Variants in RAD51B observed in about 807,000 individuals in gnomAD.
The protein encoded by RAD51B is DNA repair protein RAD51 homolog 2.
Under a neutral mutation model 42.2 loss-of-function variants are expected in RAD51B, and 38 were observed. That is an observed-to-expected ratio of 0.90 (90% CI 0.70 to 1.18). The LOEUF is 1.18. Ranked by LOEUF, RAD51B falls within the 50% of genes most tolerant of loss-of-function variation. The pLI is 0.00. For missense variants in RAD51B, 373 were observed against 400.7 expected (o/e 0.93, Z 0.59); for synonymous variants, 154 against 145.2 (o/e 1.06, Z -0.43).
chr14:68,337,199 A>G (rs138309213), intron 8 of RAD51B, among the ~76,000 whole-genome samples: 1 of 152,232 alleles, frequency 6.6e-6, no homozygotes, highest in East Asian at 1.9e-4. Flanking sequence ...GCACACACCC[A>G]CATCTTATTT....
intron 7 of RAD51B, among the ~76,000 whole-genome samples, chr14:67,934,052 G>A (rs371382741): frequency 1.3e-5 from 2 of 152,154 alleles, no homozygotes; most frequent in Admixed American, 1.3e-4. Context: ...AAAGGAAATG[G>A]GTTCATTGTA....
intron 7 of RAD51B, among the ~76,000 whole-genome samples, chr14:67,991,545 T>C (rs2075296784): frequency 6.6e-6 from 1 of 152,230 alleles, no homozygotes; most frequent in Non-Finnish European, 1.5e-5. Flanking sequence ...GTTATGCAGC[T>C]GGCTGAACAG....
intron 10 of RAD51B, among the ~76,000 whole-genome samples, chr14:68,500,130 G>A (rs898544356): frequency 6.6e-6 from 1 of 152,124 alleles, no homozygotes; most frequent in Admixed American, 6.5e-5. Flanking sequence ...AGAGATCGGA[G>A]CTCATGGTTC....
At chr14:68,396,259 T>C (rs1329541255) in intron 8 of RAD51B, among the ~76,000 whole-genome samples, 1 of 152,220 alleles carries the variant, frequency 6.6e-6, no homozygotes, top group African/African-American at 2.4e-5. Flanking sequence ...GCACTTGGAA[T>C]AGTTTCTGGA....
chr14:68,352,035 T>A (rs1594709248), intron 8 of RAD51B, among the ~76,000 whole-genome samples: 4 of 152,240 alleles, frequency 2.6e-5, no homozygotes, highest in Admixed American at 2.6e-4. Flanking sequence ...AACACTGAGT[T>A]TGATGCACCT....
intron 7 of RAD51B, among the ~76,000 whole-genome samples, chr14:68,171,764 T>C (rs147032487): frequency 0.03 from 4,617 of 151,808 alleles, 89 homozygotes; most frequent in Non-Finnish European, 0.047. Flanking sequence ...TGGAGTGCAA[T>C]GGGGCGATCT....
At chr14:67,880,438 G>A (rs2042868866) in intron 5 of RAD51B, among the ~76,000 whole-genome samples, 1 of 152,162 alleles carries the variant, frequency 6.6e-6, no homozygotes, top group Admixed American at 6.5e-5. Flanking sequence ...TGAGACAATG[G>A]TTGTACTTCA....
At chr14:67,850,151 A>G (rs942766010) in intron 4 of RAD51B, among the ~76,000 whole-genome samples, 2 of 152,104 alleles carry the variant, frequency 1.3e-5, no homozygotes, top group African/African-American at 4.8e-5. Flanking sequence ...GTGTGCCATC[A>G]TGCCTGGCTA....
At chr14:68,229,352 A>C (rs1439666999) in intron 7 of RAD51B, among the ~76,000 whole-genome samples, 1 of 152,226 alleles carries the variant, frequency 6.6e-6, no homozygotes, top group Non-Finnish European at 1.5e-5. Flanking sequence ...CTTGGCAATT[A>C]GATTTTCTTA....
chr14:68,593,994 G>A (rs1890872279), intron 10 of RAD51B, among the ~76,000 whole-genome samples: 1 of 152,200 alleles, frequency 6.6e-6, no homozygotes, highest in Admixed American at 6.5e-5. Context: ...ATGGCTCACT[G>A]GGGCACTTTG....
At chr14:67,929,683 C>G (rs557653182) in intron 7 of RAD51B, among the ~76,000 whole-genome samples, 38 of 152,070 alleles carry the variant, frequency 2.5e-4, no homozygotes, top group African/African-American at 8.4e-4. Context: ...GTTGAAGTAC[C>G]CCACTATTAT....
intron 10 of RAD51B, among the ~76,000 whole-genome samples, chr14:68,470,994 A>G (rs1207440305): frequency 6.6e-6 from 1 of 152,184 alleles, no homozygotes; most frequent in Non-Finnish European, 1.5e-5. Flanking sequence ...ATGATTCCCC[A>G]GGTTTAAAGC....
chr14:68,430,041 A>C (rs755921304), intron 9 of RAD51B, among the ~76,000 whole-genome samples: 4 of 152,142 alleles, frequency 2.6e-5, no homozygotes, highest in Non-Finnish European at 5.9e-5. Flanking sequence ...CAGGTTTGTC[A>C]AAGATCAGAT....
In RAD51B at chr14:68,314,352, A is replaced by C. The variant is rs117965061; in HGVS notation, c.853+22372A>C. Among the ~76,000 whole-genome samples, 1,041 of 152,218 alleles carry C rather than the reference A, an allele frequency of 6.8e-3. 9 individuals are homozygous for C. The highest frequency in any genetic ancestry group is 8.6e-3 in the Non-Finnish European group (586 of 68,000). On this transcript the variant is annotated intron_variant, in intron 8 of 10. Coordinates refer to ENST00000471583, the MANE Select transcript of RAD51B (RefSeq NM_133510.4). ...AATGTCTCTCAGTGGTCAACAAGGCATGAGCTAGCCAAAGAAAATGCAACC... is the reference window on the plus strand; with the variant it reads ...AATGTCTCTCAGTGGTCAACAAGGCCTGAGCTAGCCAAAGAAAATGCAACC...
chr14:68,520,535 T>C (rs1038422359), intron 10 of RAD51B, among the ~76,000 whole-genome samples: 1 of 152,196 alleles, frequency 6.6e-6, no homozygotes, highest in Non-Finnish European at 1.5e-5. Context: ...TAATTAAACA[T>C]ATAACTTCAT....
intron 7 of RAD51B, among the ~76,000 whole-genome samples, chr14:68,048,187 G>C (rs540912026): frequency 6.6e-6 from 1 of 152,280 alleles, no homozygotes; most frequent in East Asian, 1.9e-4. Flanking sequence ...ATAGAACTGA[G>C]TCAGTGATGA....
At chr14:68,405,412 C>A (rs959713359) in intron 8 of RAD51B, among the ~76,000 whole-genome samples, 1 of 152,072 alleles carries the variant, frequency 6.6e-6, no homozygotes, top group African/African-American at 2.4e-5. Context: ...CTACTGCATT[C>A]CAGCCTGGGC....
intron 8 of RAD51B, among the ~76,000 whole-genome samples, chr14:68,357,073 T>C (rs917515365): frequency 6.6e-6 from 1 of 152,214 alleles, no homozygotes; most frequent in African/African-American, 2.4e-5. Flanking sequence ...TCATGCTGTT[T>C]GATAACATTT....
chr14:68,225,198 G>A (rs1426717104), intron 7 of RAD51B, among the ~76,000 whole-genome samples: 2 of 152,148 alleles, frequency 1.3e-5, no homozygotes, highest in Non-Finnish European at 2.9e-5. Context: ...GCAACTCATT[G>A]CTTTTTAGAT....
Sources: gnomAD v4.1 joint callset for allele counts (sites outside exome capture counted in the v4.1 genomes callset) on GRCh38, gnomAD v4.1.1 for gene constraint, MANE v1.5 for transcripts, NCBI Gene and HGNC (gene_info 2026-07-23, HGNC 2026-07-21) for gene names.